Variants in HTR1F observed in about 807,000 individuals in gnomAD.
HTR1F encodes 5-hydroxytryptamine (serotonin) receptor 1F, G protein-coupled.
Under a neutral mutation model 24.0 loss-of-function variants are expected in HTR1F, and 17 were observed. The ratio of observed to expected loss-of-function variants is 0.71; its 90% CI spans 0.48 to 1.06. The LOEUF (loss-of-function observed/expected upper bound fraction) is 1.06. Among genes scored for constraint, HTR1F ranks in the 50% least tolerant of loss-of-function variants. The probability of loss-of-function intolerance (pLI) is 0.00; values close to 1 mark genes in which losing one functional copy is unlikely to be tolerated. For synonymous variants in HTR1F, 186 were observed against 156.8 expected (o/e 1.19, Z -1.39); for missense variants, 391 against 427.8 (o/e 0.91, Z 0.76).
chr3:87,807,616 T>C (rs1406402149), intron 1 of HTR1F, among the ~76,000 whole-genome samples: 1 of 152,006 alleles, frequency 6.6e-6, no homozygotes, highest in Non-Finnish European at 1.5e-5. Flanking sequence ...TTTATTTCTT[T>C]CTCTTGCCTG....
intron 2 of HTR1F, among the ~76,000 whole-genome samples, chr3:87,932,495 T>C (rs1704304135): frequency 6.6e-6 from 1 of 152,260 alleles, no homozygotes; most frequent in South Asian, 2.1e-4. Context: ...TCCAGCTTTG[T>C]TCTTTTGGCT....
chr3:87,874,704 G>T (rs1252235549), intron 2 of HTR1F, among the ~76,000 whole-genome samples: 2 of 149,762 alleles, frequency 1.3e-5, no homozygotes, highest in African/African-American at 4.9e-5. Context: ...ACTTAAGAAA[G>T]AAAAACAAAG....
chr3:87,812,350 T>A (rs777453110), intron 1 of HTR1F, among the ~76,000 whole-genome samples: 7 of 152,082 alleles, frequency 4.6e-5, no homozygotes, highest in Non-Finnish European at 8.8e-5. Flanking sequence ...TGGTCTGAGA[T>A]GGAGATGAGG....
chr3:87,809,106 C>T (rs1263175708), intron 1 of HTR1F, among the ~76,000 whole-genome samples: 1 of 151,532 alleles, frequency 6.6e-6, no homozygotes, highest in Non-Finnish European at 1.5e-5. Flanking sequence ...TTACTTAATT[C>T]TTATATGAAT....
intron 2 of HTR1F, among the ~76,000 whole-genome samples, chr3:87,875,462 A>C (rs1482883086): frequency 6.6e-6 from 1 of 152,048 alleles, no homozygotes; most frequent in Admixed American, 6.6e-5. Flanking sequence ...AAAAAGAAAA[A>C]AAAAACAAAC....
chr3:87,840,234 C>T (rs189620461), intron 2 of HTR1F, among the ~76,000 whole-genome samples: 1 of 151,936 alleles, frequency 6.6e-6, no homozygotes. Context: ...TGTTTAAGAC[C>T]CTTATAGATC....
intron 2 of HTR1F, among the ~76,000 whole-genome samples, chr3:87,939,656 G>A (rs1236039716): frequency 1.3e-5 from 2 of 152,058 alleles, no homozygotes; most frequent in Admixed American, 1.3e-4. Context: ...TAGTTTATTT[G>A]CATAGAGGTA....
intron 2 of HTR1F, among the ~76,000 whole-genome samples, chr3:87,857,867 G>A (rs531025543): frequency 6.6e-6 from 1 of 152,058 alleles, no homozygotes; most frequent in Non-Finnish European, 1.5e-5. Flanking sequence ...GGGGATTCGA[G>A]TATGGAACTT....
intron 2 of HTR1F, among the ~76,000 whole-genome samples, chr3:87,843,489 T>A: frequency 6.6e-6 from 1 of 151,070 alleles, no homozygotes. Context: ...CACTGGCCCT[T>A]CACCATCCTG....
intron 2 of HTR1F, among the ~76,000 whole-genome samples, chr3:87,915,504 GA>G (rs548467836): frequency 6.6e-6 from 1 of 151,874 alleles, no homozygotes; most frequent in South Asian, 2.1e-4. Context: ...ACAGCATAAA[GA>G]AAAAAACAAT....
chr3:87,953,044 A>G (rs1459413451), intron 2 of HTR1F, among the ~76,000 whole-genome samples: 1 of 151,928 alleles, frequency 6.6e-6, no homozygotes, highest in Non-Finnish European at 1.5e-5. Flanking sequence ...AAGTCAACTC[A>G]AAATGTATTA....
intron 2 of HTR1F, among the ~76,000 whole-genome samples, chr3:87,824,833 A>T (rs1704430913): frequency 6.6e-6 from 1 of 152,218 alleles, no homozygotes; most frequent in African/African-American, 2.4e-5. Context: ...TCTGTTTTCA[A>T]CTCAAGATAA....
rs143865609 is a variant in HTR1F, at chr3:87,842,576, G to A, written c.-43+20452G>A. ...TTAAGTTTCAATAAAATAATTTCCT[G>A]GGGAAAAAAACCGTCTTAAATAATG... On this transcript the variant is annotated intron_variant, in intron 2 of 2. Transcript: ENST00000319595. 3.9e-3 allele frequency among the ~76,000 whole-genome samples: 596 copies of A among 151,682 alleles called. 16 individuals are homozygous for A. The highest frequency in any genetic ancestry group is 0.014 in the African/African-American group (573 of 41,208).
chr3:87,823,814 CT>C (rs1350103738), intron 2 of HTR1F, among the ~76,000 whole-genome samples: 2 of 152,072 alleles, frequency 1.3e-5, no homozygotes, highest in Non-Finnish European at 2.9e-5. Context: ...AACTTCAGCA[CT>C]TTTGGGAGGC....
At chr3:87,841,768 C>T (rs548981010) in intron 2 of HTR1F, among the ~76,000 whole-genome samples, 39 of 151,264 alleles carry the variant, frequency 2.6e-4, no homozygotes, top group Admixed American at 3.9e-4. Flanking sequence ...GACGTGGTGG[C>T]GCGCTCCTGT....
chr3:87,955,608 T>C (rs1459272427), intron 2 of HTR1F, among the ~76,000 whole-genome samples: 4 of 151,546 alleles, frequency 2.6e-5, no homozygotes, highest in Admixed American at 2.6e-4. Flanking sequence ...AGCCTTTTTT[T>C]ACAAATGCCA....
chr3:87,917,894 A>T (rs62267050), intron 2 of HTR1F, among the ~76,000 whole-genome samples: 21,987 of 152,062 alleles, frequency 0.14, 2,018 homozygotes, highest in East Asian at 0.24. Flanking sequence ...CCCTAATACC[A>T]AAACCAGTAA....
chr3:87,883,188 G>T (rs1345600673), intron 2 of HTR1F, among the ~76,000 whole-genome samples: 1 of 152,234 alleles, frequency 6.6e-6, no homozygotes, highest in Non-Finnish European at 1.5e-5. Flanking sequence ...AGGGTCTGGA[G>T]TGGACCTCCA....
chr3:87,812,467 G>T (rs1704177142), intron 1 of HTR1F, among the ~76,000 whole-genome samples: 2 of 152,202 alleles, frequency 1.3e-5, no homozygotes, highest in South Asian at 4.1e-4. Flanking sequence ...GAATTTGAGA[G>T]AGAGGATCTG....
Sources: allele counts gnomAD v4.1 joint callset (sites outside exome capture counted in the v4.1 genomes callset), GRCh38; gene constraint gnomAD v4.1.1; transcripts MANE v1.5; gene names NCBI Gene and HGNC (gene_info 2026-07-23, HGNC 2026-07-21).